Variants in CEP44 observed in about 807,000 individuals in gnomAD.
CEP44 encodes the protein centrosomal protein 44, also known as centrosomal protein of 44 kDa.
Under a neutral mutation model 46.7 loss-of-function variants are expected in CEP44, and 45 were observed. The observed-to-expected ratio is 0.96, with a 90% CI of 0.76 to 1.24. CEP44 has a LOEUF of 1.24. Among genes scored for constraint, CEP44 ranks in the 50% most tolerant of loss-of-function variants. The pLI is 0.00. For synonymous variants in CEP44, 142 were observed against 146.0 expected, an observed-to-expected ratio of 0.97 and a Z score of 0.20; for missense variants, 475 against 459.7, an observed-to-expected ratio of 1.03 and a Z score of -0.30.
downstream of CEP44, among the ~76,000 whole-genome samples, chr4:174,321,277 T>G (rs1202465146): frequency 2.0e-5 from 3 of 152,186 alleles, no homozygotes; most frequent in African/African-American, 7.2e-5. Flanking sequence ...CAAATTCAGA[T>G]TCTCCGGAAT....
At position 174,309,701 on chromosome 4, in the gene CEP44, GT is replaced by G. The variant is rs1219538905; in HGVS notation, c.679-148del. On this transcript the variant is annotated intron_variant, in intron 7 of 11. Coordinates refer to ENST00000503780, the MANE Select transcript of CEP44 (RefSeq NM_001040157.3). The surrounding 1 kb of genome is among the most constrained non-coding windows in gnomAD (Gnocchi z 5.3). ...TCTCAGAACTGGTTTAAGTGGCCAA[GT>G]AGTCTCCATCCAGAGATAGCTCTCT... The G allele has an allele frequency of 1.7e-6, 1 of 571,632 alleles. No homozygotes were observed. 35.4% of individuals were successfully genotyped at this position (571,632 alleles called of 1,614,324 possible).
At chr4:174,300,429 A>G (rs1739581592) in intron 3 of CEP44, among the ~76,000 whole-genome samples, 1 of 152,150 alleles carries the variant, frequency 6.6e-6, no homozygotes, top group Non-Finnish European at 1.5e-5. Context: ...AACCAGTTTG[A>G]GTAGCCAAGT....
chr4:174,317,917 T>A lies in CEP44; in HGVS notation c.*534T>A, dbSNP rs532510714. On this transcript the variant is annotated 3_prime_UTR_variant, in exon 12 of 12. Coordinates refer to ENST00000503780, the MANE Select transcript of CEP44 (RefSeq NM_001040157.3). ...GTCAAAAACATCAATACCTTTCCAATTAACACTGAGAAATTAAGGTTAAGA... is the reference window on the plus strand; with the variant it reads ...GTCAAAAACATCAATACCTTTCCAAATAACACTGAGAAATTAAGGTTAAGA... 6.1e-6 allele frequency: 6 copies of A among 985,508 alleles called. No individual in the cohort carries two copies. In the African/African-American group the frequency reaches 8.7e-5, roughly 14 times the overall value. The allele number at this position is 985,508 out of a possible 1,614,324, so 61.0% of individuals were successfully genotyped here.
chr4:174,300,242 G>A (rs1046266111), intron 3 of CEP44, among the ~76,000 whole-genome samples: 1 of 152,142 alleles, frequency 6.6e-6, no homozygotes, highest in Non-Finnish European at 1.5e-5. Context: ...TCAAGAGAAG[G>A]CTGAAAGTGA....
At chr4:174,306,714 G>T (rs537662888) in intron 6 of CEP44, among the ~76,000 whole-genome samples, 1 of 151,734 alleles carries the variant, frequency 6.6e-6, no homozygotes, top group Non-Finnish European at 1.5e-5. Flanking sequence ...ATTGTAGGAG[G>T]ATCTTCTCAG....
rs1048540616 is a variant in CEP44, at chr4:174,311,643, A to G, written c.961+785A>G. Among the ~76,000 whole-genome samples the G allele has an allele frequency of 6.6e-6, 1 of 152,090 alleles. No homozygotes were observed. Among genetic ancestry groups the G allele is most frequent in the Non-Finnish European group, 1.5e-5 (1 of 67,968 alleles). Reference sequence around the variant, plus strand: ...TGTGCCTGGCACGATTCTAACTACTATATTAACTCATTTAATTCTTGAAGT... The same window carrying G: ...TGTGCCTGGCACGATTCTAACTACTGTATTAACTCATTTAATTCTTGAAGT... On this transcript the variant is annotated intron_variant, in intron 9 of 11. Coordinates refer to ENST00000503780, the MANE Select transcript of CEP44 (RefSeq NM_001040157.3). The surrounding 1 kb of genome is among the most constrained non-coding windows in gnomAD (Gnocchi z 4.4).
In CEP44 at chr4:174,297,890, G is replaced by A. The variant is rs1431960360; in HGVS notation, c.-147-76G>A. The stretch of plus-strand genomic sequence containing the variant: ...GGCGGGAGGGAAAATAAATTCTAGG[G>A]TTAGCTGCTTCTTATGTAGACTCTC... On this transcript the variant is annotated intron_variant, in intron 1 of 11. Transcript: ENST00000503780. This position sits in a 1 kb window ranked among gnomAD's most constrained non-coding sequence, Gnocchi z 4.3. 1 of 152,096 alleles carries A rather than the reference G, an allele frequency of 6.6e-6. No individual in the cohort carries two copies. The highest frequency in any genetic ancestry group is 1.5e-5 in the Non-Finnish European group (1 of 68,050). 9.4% of individuals were successfully genotyped at this position (152,096 alleles called of 1,614,324 possible).
intron 6 of CEP44, 28 bp downstream of exon 6, chr4:174,304,397 T>C (rs373458453): frequency 4.2e-5 from 67 of 1,600,342 alleles, no homozygotes; most frequent in Non-Finnish European, 5.4e-5. Flanking sequence ...AAATATCATA[T>C]TGTTTAAGAG....
rs1012082066 is a variant in CEP44, at chr4:174,302,189, A to G, written c.237+3A>G. The G allele has an allele frequency of 2.5e-6, 4 of 1,571,716 alleles. No individual in the cohort carries two copies. Among genetic ancestry groups the G allele is most frequent in the Middle Eastern group, 1.7e-4 (1 of 6,006 alleles). On this transcript the variant is annotated splice_donor_region_variant and intron_variant, in intron 4 of 11. Transcript: ENST00000503780. ...GCTTTATAGATGCTGTCTATAAGGTATTTTGAGTTTATCAAACAATAACTA... is the reference window on the plus strand; with the variant it reads ...GCTTTATAGATGCTGTCTATAAGGTGTTTTGAGTTTATCAAACAATAACTA...
In CEP44 at chr4:174,329,011, A is replaced by G. The variant is rs1054923694; in HGVS notation, c.1087-2471A>G. On this transcript the variant is annotated intron_variant, in intron 8 of 8. Coordinates refer to the CEP44 transcript ENST00000426172. The surrounding 1 kb of genome is among the most constrained non-coding windows in gnomAD (Gnocchi z 4.0). Reference sequence around the variant, plus strand: ...ACCCAGGCAGGAGTACAGTGGCACAATCATAGCTCATTGCAACCTAGAACC... The same window carrying G: ...ACCCAGGCAGGAGTACAGTGGCACAGTCATAGCTCATTGCAACCTAGAACC... Among the ~76,000 whole-genome samples the G allele has an allele frequency of 2.0e-5, 3 of 152,110 alleles. No homozygotes were observed. The highest frequency in any genetic ancestry group is 6.6e-5 in the Admixed American group (1 of 15,262).
At chr4:174,328,358 A>T (rs527413984) in intron 8 of CEP44, among the ~76,000 whole-genome samples, 1 of 152,372 alleles carries the variant, frequency 6.6e-6, no homozygotes, top group African/African-American at 2.4e-5. Flanking sequence ...AGTCCAGAAG[A>T]TAACTCAATA....
downstream of CEP44, among the ~76,000 whole-genome samples, chr4:174,322,234 A>T (rs1205697133): frequency 1.3e-5 from 2 of 152,126 alleles, no homozygotes; most frequent in Non-Finnish European, 2.9e-5. Flanking sequence ...ACCATTTTTT[A>T]AAATCATCAT....
At position 174,309,162 on chromosome 4, in the gene CEP44, G is replaced by A. The variant is rs1316329542; in HGVS notation, c.678+303G>A. 6.6e-6 allele frequency among the ~76,000 whole-genome samples: 1 copy of A among 152,064 alleles called. No individual in the cohort carries two copies. The highest frequency in any genetic ancestry group is 1.5e-5 in the Non-Finnish European group (1 of 67,958). ...TAGCGATATGCTACTTTGCATAGTG[G>A]AGGTTCTCTACCACCTATTTTCTTT... On this transcript the variant is annotated intron_variant, in intron 7 of 11. Coordinates refer to ENST00000503780, the MANE Select transcript of CEP44 (RefSeq NM_001040157.3). This position sits in a 1 kb window ranked among gnomAD's most constrained non-coding sequence, Gnocchi z 5.3.
At chr4:174,304,119 G>C in intron 5 of CEP44, 128 bp from the exon 6 acceptor site, 3 of 1,142,962 alleles carry the variant, frequency 2.6e-6, no homozygotes, top group Non-Finnish European at 3.6e-6. Context: ...AAGTCATGTA[G>C]TCTCATTAGA....
chr4:174,284,168 C>T (rs1454819473), intron 1 of CEP44: 4 of 397,820 alleles, frequency 1.0e-5, no homozygotes, highest in African/African-American at 2.1e-5. Context: ...GGCAAGGCTG[C>T]GCCTGGTATT....
Position 174,317,329 on chromosome 4 carries a change from T to A in CEP44, c.1125-6T>A. 3 of 1,228,156 alleles carry A rather than the reference T, an allele frequency of 2.4e-6. No individual in the cohort carries two copies. Among genetic ancestry groups the A allele is most frequent in the Non-Finnish European group, 3.3e-6 (3 of 898,566 alleles). 76.1% of individuals were successfully genotyped at this position (1,228,156 alleles called of 1,614,324 possible). ...TTTACTTAATATATTATTTATTATA[T>A]TTCAGGTTTGAAGAAACTGCAGAGT... On this transcript the variant is annotated splice_polypyrimidine_tract_variant and splice_region_variant and intron_variant, in intron 11 of 11. Transcript: ENST00000503780.
Position 174,326,900 on chromosome 4 carries a change from C to CT in CEP44, c.1087-4575dup, listed in dbSNP as rs1470106673. Among the ~76,000 whole-genome samples, 2 of 151,632 alleles carry CT rather than the reference C, an allele frequency of 1.3e-5. No individual in the cohort carries two copies. The highest frequency in any genetic ancestry group is 6.6e-5 in the Admixed American group (1 of 15,196). The stretch of plus-strand genomic sequence containing the variant: ...ATCTTTGTTTCTTTATGGAATCTGT[C>CT]TTTTTTTACTTTGTCTGCTTTGCTA... On this transcript the variant is annotated intron_variant, in intron 8 of 8. Transcript: ENST00000426172. This position sits in a 1 kb window ranked among gnomAD's most constrained non-coding sequence, Gnocchi z 4.8.
Position 174,284,072 on chromosome 4 carries a change from A to T in CEP44, c.-148+129A>T, listed in dbSNP as rs116495051. 3.5e-4 allele frequency: 138 copies of T among 399,052 alleles called. 1 individual carries two copies. Among genetic ancestry groups the T allele is most frequent in the African/African-American group, 2.3e-3 (111 of 48,762 alleles). The allele number at this position is 399,052 out of a possible 1,614,324, so 24.7% of individuals were successfully genotyped here. Reference sequence around the variant, plus strand: ...GACTCTGGTGACTGTGTATGGTTGCATATGCTCCGTTTTCCTCTCCCTGTC... The same window carrying T: ...GACTCTGGTGACTGTGTATGGTTGCTTATGCTCCGTTTTCCTCTCCCTGTC... On this transcript the variant is annotated intron_variant, in intron 1 of 11. Coordinates refer to ENST00000503780, the MANE Select transcript of CEP44 (RefSeq NM_001040157.3).
intron 6 of CEP44, 73 bp downstream of exon 6, chr4:174,304,442 T>C: frequency 1.9e-6 from 3 of 1,543,248 alleles, no homozygotes; most frequent in Non-Finnish European, 2.6e-6. Context: ...TTTTCACTTT[T>C]CTGATTGGCA....
Sources: allele counts gnomAD v4.1 joint callset (sites outside exome capture counted in the v4.1 genomes callset), GRCh38; gene constraint gnomAD v4.1.1; non-coding constraint Gnocchi (gnomAD v3.1); transcripts MANE v1.5; gene names NCBI Gene and HGNC (gene_info 2026-07-23, HGNC 2026-07-21).